Variants in NBAS observed in about 807,000 individuals in gnomAD.
NBAS encodes NAG/BC035112 fusion.
NBAS carries 219 observed loss-of-function variants against 302.5 expected under a neutral mutation model. The ratio of observed to expected loss-of-function variants is 0.72; its 90% CI spans 0.65 to 0.81. The LOEUF is 0.81. Among genes scored for constraint, NBAS ranks in the 30% least tolerant of loss-of-function variants. The pLI is 0.00. For missense variants in NBAS, 2,932 were observed against 2,841.6 expected (o/e 1.03, Z -0.72); for synonymous variants, 1,118 against 1,021.6 (o/e 1.09, Z -1.80).
At chr2:15,210,996 A>G (rs993290357) in intron 48 of NBAS, among the ~76,000 whole-genome samples, 11 of 152,194 alleles carry the variant, frequency 7.2e-5, no homozygotes, top group Non-Finnish European at 1.5e-4. Flanking sequence ...AGGGTGTTAC[A>G]GGGGAAGTGG....
In NBAS at chr2:15,186,710, T is replaced by A. The variant is rs2302940; in HGVS notation, c.6711+32A>T. Reference sequence around the variant, plus strand: ...AAGAGTTCTGATAAGCAAAGGCCACTCCTTAGGAAAGCACTCAAAATATCC... The same window carrying A: ...AAGAGTTCTGATAAGCAAAGGCCACACCTTAGGAAAGCACTCAAAATATCC... On this transcript the variant is annotated intron_variant, in intron 50 of 51. Coordinates refer to ENST00000281513, the MANE Select transcript of NBAS (RefSeq NM_015909.4). 12 of 1,613,422 alleles carry A rather than the reference T, an allele frequency of 7.4e-6. No homozygotes were observed. The South Asian group carries it at 1.3e-4, about 18-fold the overall frequency.
chr2:15,168,610 G>GT (rs1664144562), intron 51 of NBAS, among the ~76,000 whole-genome samples: 1 of 152,272 alleles, frequency 6.6e-6, no homozygotes, highest in East Asian at 1.9e-4. Flanking sequence ...TCTTCATGCT[G>GT]TATGATAAGT....
At chr2:14,868,272 T>C in the NBAS span, among the ~76,000 whole-genome samples, 1 of 152,182 alleles carries the variant, frequency 6.6e-6, no homozygotes, top group Non-Finnish European at 1.5e-5. Context: ...CAGGAATCCA[T>C]TAATAATGGC....
the NBAS span, among the ~76,000 whole-genome samples, chr2:15,066,122 A>G: frequency 6.6e-6 from 1 of 152,204 alleles, no homozygotes; most frequent in Non-Finnish European, 1.5e-5. Flanking sequence ...CCAAGACTAC[A>G]CAATGAGGAA....
the NBAS span, among the ~76,000 whole-genome samples, chr2:14,957,565 T>C: frequency 6.6e-6 from 1 of 152,164 alleles, no homozygotes; most frequent in Non-Finnish European, 1.5e-5. Context: ...TTGCTAAATC[T>C]AATTTCAAAC....
chr2:14,784,636 C>T, the NBAS span, among the ~76,000 whole-genome samples: 22 of 151,940 alleles, frequency 1.4e-4, no homozygotes, highest in Admixed American at 3.3e-4. Flanking sequence ...TGTAGATATG[C>T]GGCGTTATTT....
chr2:14,874,678 A>G, the NBAS span, among the ~76,000 whole-genome samples: 1 of 145,304 alleles, frequency 6.9e-6, no homozygotes, highest in African/African-American at 2.8e-5. Context: ...TAAGAAGCAA[A>G]AACCACAAAC....
chr2:15,179,075 G>A lies in NBAS; in HGVS notation c.6753C>T (p.Leu2251=). 6.2e-7 allele frequency: 1 copy of A among 1,614,184 alleles called. No individual in the cohort carries two copies. Among genetic ancestry groups the A allele is most frequent in the South Asian group, 1.1e-5 (1 of 91,074 alleles). Residue 2251 remains leucine, a synonymous_variant, in exon 51 of 52, where the codon CTC becomes CTT. Coordinates refer to ENST00000281513, the MANE Select transcript of NBAS (RefSeq NM_015909.4). ...ELCLLLLNQS[L]LLPSLKLLLE... ...GGAGAAGTTTCAGAGATGGAAGCAGGAGGGACTGGTTAAGCAGCAGCAGAC... is the reference window on the plus strand; with the variant it reads ...GGAGAAGTTTCAGAGATGGAAGCAGAAGGGACTGGTTAAGCAGCAGCAGAC...
chr2:14,898,615 A>G, the NBAS span, among the ~76,000 whole-genome samples: 6 of 152,120 alleles, frequency 3.9e-5, no homozygotes, highest in African/African-American at 1.4e-4. Flanking sequence ...TTTCCCCCAC[A>G]CTGTTTTCTT....
chr2:15,307,804 T>C (rs953439244), intron 40 of NBAS, among the ~76,000 whole-genome samples: 2 of 151,390 alleles, frequency 1.3e-5, no homozygotes, highest in African/African-American at 4.9e-5. Flanking sequence ...CTCATACCTC[T>C]GGCTTAAAAA....
rs961257853 is a variant in NBAS at position 15,554,087 on chromosome 2, C to A, written c.261G>T (p.Gln87His). The A allele has an allele frequency of 6.2e-7, 1 of 1,613,866 alleles. No individual in the cohort carries two copies. The highest frequency in any genetic ancestry group is 1.3e-5 in the African/African-American group (1 of 74,900). Reference sequence around the variant, plus strand: ...TTGCAAGTACCAAATGCCAGTTTATCTGTTTATTAACCAAGCGAACCAGTC... The same window carrying A: ...TTGCAAGTACCAAATGCCAGTTTATATGTTTATTAACCAAGCGAACCAGTC... ...PDGLVRLVNK[Q>H]INWHLVLASN... The change falls in exon 4 of 52, where the codon CAG becomes CAT. Residue 87 changes from glutamine to histidine, a missense_variant. Physicochemically the swap from Gln to His is conservative, Grantham distance 24. Coordinates refer to ENST00000281513, the MANE Select transcript of NBAS (RefSeq NM_015909.4).
the NBAS span, among the ~76,000 whole-genome samples, chr2:14,989,952 T>C: frequency 6.6e-6 from 1 of 152,338 alleles, no homozygotes; most frequent in East Asian, 1.9e-4. Flanking sequence ...ATTACAATTC[T>C]TTTTTTAAAA....
chr2:15,383,363 TTA>T (rs1675138139), intron 28 of NBAS, 46 bp from the exon 29 acceptor site: 1 of 1,547,494 alleles, frequency 6.5e-7, no homozygotes, highest in Non-Finnish European at 8.9e-7. Flanking sequence ...AAGAAAACAA[TTA>T]AAATCTCTTT....
the NBAS span, among the ~76,000 whole-genome samples, chr2:14,817,119 T>C: frequency 2.6e-5 from 4 of 152,208 alleles, no homozygotes; most frequent in African/African-American, 4.8e-5. Flanking sequence ...GGTTGACACA[T>C]CATGCTTCCC....
the NBAS span, among the ~76,000 whole-genome samples, chr2:15,110,582 G>T: frequency 6.6e-6 from 1 of 152,158 alleles, no homozygotes; most frequent in Non-Finnish European, 1.5e-5. Context: ...CATTATGTGA[G>T]AATCTACATG....
the NBAS span, among the ~76,000 whole-genome samples, chr2:14,967,028 A>G: frequency 6.6e-6 from 1 of 152,232 alleles, no homozygotes; most frequent in African/African-American, 2.4e-5. Context: ...AAACAATTAG[A>G]AATTTAAAAT....
intron 21 of NBAS, among the ~76,000 whole-genome samples, chr2:15,449,056 A>G (rs968953776): frequency 2.0e-5 from 3 of 152,178 alleles, no homozygotes; most frequent in Admixed American, 2.0e-4. Context: ...AAAGGGTATC[A>G]TTTGGTATCT....
intron 44 of NBAS, among the ~76,000 whole-genome samples, chr2:15,263,462 A>G (rs1348003004): frequency 6.6e-6 from 1 of 152,166 alleles, no homozygotes; most frequent in Non-Finnish European, 1.5e-5. Flanking sequence ...CGTCTAACTG[A>G]TCCATTCCCA....
rs775160984 is a variant in NBAS, at chr2:15,328,222, T to C, written c.4438A>G (p.Ile1480Val). 2.5e-6 allele frequency: 4 copies of C among 1,613,768 alleles called. No individual in the cohort carries two copies. The highest frequency in any genetic ancestry group is 1.7e-5 in the Admixed American group (1 of 59,988). Residue 1480 changes from isoleucine (I) to valine (V), a missense_variant, in exon 37 of 52, where the codon ATC (isoleucine) becomes GTC (valine). Transcript: ENST00000281513. ...ACCTCAGCGACAAAAGGATTTGAGA[T>C]GACAGATTCATAAAAAGGATGACAC... ...QGCHPFYESV[I>V]SNPFVAESEG... is the part of the protein sequence containing the mutation.
Sources: allele counts gnomAD v4.1 joint callset (sites outside exome capture counted in the v4.1 genomes callset), GRCh38; gene constraint gnomAD v4.1.1; transcripts MANE v1.5; gene names NCBI Gene and HGNC (gene_info 2026-07-23, HGNC 2026-07-21).